CHD6: variants seen among roughly 807,000 people sequenced by gnomAD.
The protein encoded by CHD6 is ATP-dependent chromatin remodeler CHD6.
A neutral mutation model predicts 276.9 loss-of-function variants in CHD6; 50 were observed. The observed-to-expected ratio is 0.18, with a 90% CI of 0.14 to 0.23. CHD6 has a LOEUF of 0.23. Among genes scored for constraint, CHD6 ranks in the 10% least tolerant of loss-of-function variants. The probability of loss-of-function intolerance (pLI) is 1.00; values close to 1 mark genes in which losing one functional copy is unlikely to be tolerated. For missense variants in CHD6, 2,564 were observed against 3,365.8 expected (o/e 0.76, Z 5.89); for synonymous variants, 1,173 against 1,229.3 (o/e 0.95, Z 0.96).
intron 1 of CHD6, among the ~76,000 whole-genome samples, chr20:41,597,108 G>A (rs895359223): frequency 6.6e-6 from 1 of 152,138 alleles, no homozygotes; most frequent in African/African-American, 2.4e-5. Context: ...TGTTTCAAAT[G>A]TGGAAGAATA....
At position 41,456,047 on chromosome 20, in the gene CHD6, G is replaced by T. The variant is rs138138824; in HGVS notation, c.2830-68C>A. The stretch of plus-strand genomic sequence containing the variant: ...TAGGAGAAAAACAGCCTCAAATCTG[G>T]TTTTTGTGATTCAGTGCATAGTTCC... On this transcript the variant is annotated intron_variant, in intron 18 of 36. Coordinates refer to ENST00000373233, the MANE Select transcript of CHD6 (RefSeq NM_032221.5). 610 of 1,428,018 alleles carry T rather than the reference G, an allele frequency of 4.3e-4. 5 individuals are homozygous for T. In the East Asian group the frequency reaches 0.013, roughly 30 times the overall value. The allele number at this position is 1,428,018 out of a possible 1,614,324, so 88.5% of individuals were successfully genotyped here.
intron 2 of CHD6, among the ~76,000 whole-genome samples, chr20:41,535,243 T>C (rs796565723): frequency 3.0e-4 from 46 of 152,270 alleles, no homozygotes; most frequent in African/African-American, 1.1e-3. Context: ...CCTTAGGCAA[T>C]AGCAAGAGCT....
At chr20:41,497,569 A>ACCGTGTTT in intron 7 of CHD6, 68 bp from the exon 8 acceptor site, 1 of 1,031,004 alleles carries the variant, frequency 9.7e-7, no homozygotes, top group Non-Finnish European at 1.5e-6. Flanking sequence ...TAAGGTGTTC[A>ACCGTGTTT]ATAAACACGG....
chr20:41,562,255 C>G (rs6065374), intron 1 of CHD6, among the ~76,000 whole-genome samples: 3,450 of 152,096 alleles, frequency 0.023, 66 homozygotes, highest in Non-Finnish European at 0.034. Flanking sequence ...TTTTTATAGT[C>G]TCCTAAACTC....
chr20:41,425,201 G>A lies in CHD6; in HGVS notation c.4323C>T (p.Leu1441=). The A allele has an allele frequency of 6.2e-7, 1 of 1,614,190 alleles. No homozygotes were observed. Among genetic ancestry groups the A allele is most frequent in the Non-Finnish European group, 8.5e-7 (1 of 1,180,022 alleles). ...EMFRRTSEMD[L]INKEAQKRWT... ...ACCTCTTTTGGGCTTCCTTGTTGATGAGGTCCATTTCTGAGGTTCTCCTGA... is the reference window on the plus strand; with the variant it reads ...ACCTCTTTTGGGCTTCCTTGTTGATAAGGTCCATTTCTGAGGTTCTCCTGA... Residue 1441 remains leucine (L), a synonymous_variant, in exon 29 of 37, where the codon CTC becomes CTT. Transcript: ENST00000373233.
intron 1 of CHD6, among the ~76,000 whole-genome samples, chr20:41,600,309 T>C (rs1195430537): frequency 1.3e-5 from 2 of 152,226 alleles, no homozygotes; most frequent in Non-Finnish European, 2.9e-5. Flanking sequence ...CTCACAGATA[T>C]ACTTTGCACT....
At chr20:41,444,138 A>T (rs2047990008) in intron 25 of CHD6, among the ~76,000 whole-genome samples, 1 of 152,100 alleles carries the variant, frequency 6.6e-6, no homozygotes, top group African/African-American at 2.4e-5. Context: ...GGCTGCCTTT[A>T]GCAGCCTACT....
intron 25 of CHD6, among the ~76,000 whole-genome samples, chr20:41,443,916 A>G (rs751466809): frequency 2.0e-5 from 3 of 151,954 alleles, no homozygotes; most frequent in African/African-American, 2.4e-5. Flanking sequence ...GGTTTTCTGT[A>G]TGTCTATGGT....
rs1407653985 is a variant in CHD6, at chr20:41,483,396, T to C, written c.2381A>G (p.Lys794Arg). Reference sequence around the variant, plus strand: ...TACTTTGTGGCCACCTGCAATCAGCTTAGGGAGTAGTTTATCAATCAACAC... The same window carrying C: ...TACTTTGTGGCCACCTGCAATCAGCCTAGGGAGTAGTTTATCAATCAACAC... ...KLVLIDKLLP[K>R]LIAGGHKVLI... Residue 794 changes from lysine (K) to arginine (R), a missense_variant, in exon 16 of 37, where the codon AAG (lysine) becomes AGG (arginine). Coordinates refer to ENST00000373233, the MANE Select transcript of CHD6 (RefSeq NM_032221.5). The C allele has an allele frequency of 5.6e-6, 9 of 1,613,706 alleles. No individual in the cohort carries two copies. Among genetic ancestry groups the C allele is most frequent in the Non-Finnish European group, 7.6e-6 (9 of 1,179,870 alleles).
chr20:41,480,973 T>G (rs961659161), intron 16 of CHD6, among the ~76,000 whole-genome samples: 7 of 152,020 alleles, frequency 4.6e-5, no homozygotes, highest in Admixed American at 4.6e-4. Context: ...AAGAGCTGGG[T>G]ATGGTGATCT....
rs759287274 is a variant in CHD6, at chr20:41,404,865, T to C, written c.7876A>G (p.Met2626Val). The change falls in exon 37 of 37, where the codon ATG (methionine) becomes GTG (valine). Residue 2626 changes from methionine (M) to valine (V), a missense_variant. Met to Val is a conservative substitution (Grantham distance 21). This residue lies in a region of CHD6 where 238 missense variants were observed against 266.0 expected (regional missense o/e 0.89). Coordinates refer to ENST00000373233, the MANE Select transcript of CHD6 (RefSeq NM_032221.5). ...ATGCCCATACCAGGGGAGAGGAACA[T>C]GGATGGGTAAATGAGTCCAGGAGAT... ...GVSPGLIYPS[M>V]FLSPGMGMAL... is the part of the protein sequence containing the mutation. The C allele has an allele frequency of 1.2e-6, 2 of 1,613,974 alleles. No individual in the cohort carries two copies. Among genetic ancestry groups the C allele is most frequent in the Non-Finnish European group, 1.7e-6 (2 of 1,179,974 alleles).
chr20:41,537,677 G>A (rs532807636), intron 2 of CHD6, among the ~76,000 whole-genome samples: 1 of 152,086 alleles, frequency 6.6e-6, no homozygotes, highest in Admixed American at 6.5e-5. Context: ...AGGCCACAAC[G>A]AGATACTATT....
Position 41,551,981 on chromosome 20 carries a change from T to C in CHD6, c.-23-621A>G, listed in dbSNP as rs79549573. On this transcript the variant is annotated intron_variant, in intron 1 of 36. Transcript: ENST00000373233. ...GCCCCCATCCCCACTGCAACCATAA[T>C]GTCCTTGACAACACTGAACTTCTCA... Among the ~76,000 whole-genome samples the C allele has an allele frequency of 3.0e-3, 458 of 152,316 alleles. 17 individuals are homozygous for C. The East Asian group carries it at 0.08, about 27-fold the overall frequency.
chr20:41,475,040 A>T (rs2043139914), intron 16 of CHD6, among the ~76,000 whole-genome samples: 1 of 152,230 alleles, frequency 6.6e-6, no homozygotes, highest in South Asian at 2.1e-4. Flanking sequence ...TCATGAAGGC[A>T]GACTAAAAAG....
chr20:41,454,342 T>C lies in CHD6; in HGVS notation c.3120+284A>G, dbSNP rs975150014. On this transcript the variant is annotated intron_variant, in intron 20 of 36. Coordinates refer to ENST00000373233, the MANE Select transcript of CHD6 (RefSeq NM_032221.5). ...ATAGTCACATGCCAGGGATAGAATG[T>C]TGGTTTGAGGCAGAGGCCTGAACTT... 5.9e-5 allele frequency among the ~76,000 whole-genome samples: 9 copies of C among 152,202 alleles called. No individual in the cohort carries two copies. The East Asian group carries it at 7.7e-4, about 13-fold the overall frequency.
Position 41,564,987 on chromosome 20 carries a change from G to C in CHD6, c.-23-13627C>G, listed in dbSNP as rs192594188. On this transcript the variant is annotated intron_variant, in intron 1 of 36. Transcript: ENST00000373233. ...AGGTAGGAATAGGTAGGGCAGGCTTGGGGTCCAAGAAGACCAGTGAGTCAT... is the reference window on the plus strand; with the variant it reads ...AGGTAGGAATAGGTAGGGCAGGCTTCGGGTCCAAGAAGACCAGTGAGTCAT... 5.4e-4 allele frequency among the ~76,000 whole-genome samples: 82 copies of C among 152,282 alleles called. No individual in the cohort carries two copies. The East Asian group carries it at 0.013, about 24-fold the overall frequency.
intron 1 of CHD6, among the ~76,000 whole-genome samples, chr20:41,598,075 C>A (rs1443742772): frequency 6.6e-6 from 1 of 152,168 alleles, no homozygotes; most frequent in Non-Finnish European, 1.5e-5. Context: ...ATCCCTAAAA[C>A]TATACAATTG....
chr20:41,451,243 AGGT>A, intron 22 of CHD6, 138 bp from the exon 23 acceptor site: 6 of 689,488 alleles, frequency 8.7e-6, no homozygotes, highest in Non-Finnish European at 1.2e-5. Context: ...CTTAGCCCAC[AGGT>A]GGTGGTGGTA....
chr20:41,405,837 C>T (rs951563036), intron 36 of CHD6, among the ~76,000 whole-genome samples: 2 of 152,110 alleles, frequency 1.3e-5, no homozygotes, highest in African/African-American at 2.4e-5. Context: ...CTCTGGTTCT[C>T]GGTGAGACTG....
Sources: gnomAD v4.1 joint callset for allele counts (sites outside exome capture counted in the v4.1 genomes callset) on GRCh38, gnomAD v4.1.1 for gene constraint, gnomAD v4.1.1 regional missense constraint, MANE v1.5 for transcripts, NCBI Gene and HGNC (gene_info 2026-07-23, HGNC 2026-07-21) for gene names.